Variants in TTC28 observed in about 807,000 individuals in gnomAD.
TTC28 encodes tetratricopeptide repeat domain 28.
Under a neutral mutation model 198.0 loss-of-function variants are expected in TTC28, and 61 were observed. The ratio of observed to expected loss-of-function variants is 0.31; its 90% CI spans 0.25 to 0.38. The LOEUF is 0.38. Among genes scored for constraint, TTC28 ranks in the 10% least tolerant of loss-of-function variants. The pLI is 1.00. For synonymous variants in TTC28, 1,171 were observed against 1,297.8 expected (o/e 0.90, Z 2.10); for missense variants, 2,678 against 3,164.0 (o/e 0.85, Z 3.69).
intron 2 of TTC28, among the ~76,000 whole-genome samples, chr22:28,422,638 G>T (rs1178023944): frequency 1.3e-5 from 2 of 151,572 alleles, no homozygotes; most frequent in Non-Finnish European, 2.9e-5. Flanking sequence ...GTAGAGATGG[G>T]GTTTCACCGT....
intron 2 of TTC28, among the ~76,000 whole-genome samples, chr22:28,394,972 A>C (rs1193267993): frequency 6.6e-6 from 1 of 152,134 alleles, no homozygotes; most frequent in Non-Finnish European, 1.5e-5. Context: ...AACCAGCTTA[A>C]ATGATCTGCT....
intron 5 of TTC28, among the ~76,000 whole-genome samples, chr22:28,207,667 G>T (rs1426741921): frequency 6.6e-6 from 1 of 152,104 alleles, no homozygotes; most frequent in Non-Finnish European, 1.5e-5. Context: ...ATCAAAGGAT[G>T]GGCTTTAGAG....
intron 14 of TTC28, among the ~76,000 whole-genome samples, chr22:28,003,726 A>G (rs1278641616): frequency 6.6e-6 from 1 of 152,236 alleles, no homozygotes; most frequent in African/African-American, 2.4e-5. Context: ...CTGGCAGCCC[A>G]TCTTCGTAGA....
rs1297578203 is a variant in TTC28, at chr22:27,990,013, G to A, written c.5578-6C>T. The A allele has an allele frequency of 1.3e-6, 2 of 1,549,876 alleles. No individual in the cohort carries two copies. The highest frequency in any genetic ancestry group is 2.4e-5 in the East Asian group (1 of 40,884). The stretch of plus-strand genomic sequence containing the variant: ...TGAACCAGCACCTGGTGGAGCTGAG[G>A]AAGGGGGGACAGCGTGAGCACCCTG... On this transcript the variant is annotated splice_region_variant and splice_polypyrimidine_tract_variant and intron_variant, in intron 20 of 22. Transcript: ENST00000397906.
chr22:28,626,280 C>A (rs2051075702), intron 2 of TTC28, among the ~76,000 whole-genome samples: 1 of 152,046 alleles, frequency 6.6e-6, no homozygotes, highest in Admixed American at 6.6e-5. Context: ...ACATCAAAAT[C>A]ATTTTCTCAT....
At chr22:28,009,677 G>A (rs1309479630) in intron 14 of TTC28, among the ~76,000 whole-genome samples, 1 of 152,242 alleles carries the variant, frequency 6.6e-6, no homozygotes, top group Non-Finnish European at 1.5e-5. Context: ...CCGGCCTCGG[G>A]TGCTGGCCTC....
At chr22:28,675,615 G>C (rs548346363) in intron 1 of TTC28, among the ~76,000 whole-genome samples, 1 of 151,776 alleles carries the variant, frequency 6.6e-6, no homozygotes, top group Non-Finnish European at 1.5e-5. Flanking sequence ...AACCGTGCCT[G>C]TAGTCCTACC....
chr22:28,308,888 A>T (rs2045198328), intron 2 of TTC28, among the ~76,000 whole-genome samples: 1 of 152,224 alleles, frequency 6.6e-6, no homozygotes, highest in Non-Finnish European at 1.5e-5. Context: ...TTAGGATTGT[A>T]TCCCTGTAAA....
At chr22:28,651,954 C>T (rs946667556) in intron 1 of TTC28, among the ~76,000 whole-genome samples, 3 of 152,190 alleles carry the variant, frequency 2.0e-5, no homozygotes, top group African/African-American at 7.2e-5. Context: ...ACTCTCCTGC[C>T]TCAGCCTCCC....
intron 12 of TTC28, among the ~76,000 whole-genome samples, chr22:28,036,290 T>C (rs1939341169): frequency 6.6e-6 from 1 of 152,160 alleles, no homozygotes; most frequent in Non-Finnish European, 1.5e-5. Flanking sequence ...TCAGCAAATG[T>C]AAAAGAACAG....
At chr22:28,539,937 C>CT (rs34198666) in intron 2 of TTC28, among the ~76,000 whole-genome samples, 6,335 of 84,638 alleles carry the variant, frequency 0.075, 493 homozygotes, top group Non-Finnish European at 0.093. Context: ...CCTCAGGAAG[C>CT]TTTTTTTTTT....
intron 5 of TTC28, among the ~76,000 whole-genome samples, chr22:28,171,546 T>G (rs997664195): frequency 1.3e-5 from 2 of 151,614 alleles, no homozygotes; most frequent in Non-Finnish European, 2.9e-5. Context: ...CTATTTTCTT[T>G]GCCTGTGAAA....
intron 5 of TTC28, among the ~76,000 whole-genome samples, chr22:28,204,807 C>A (rs557097704): frequency 7.9e-5 from 12 of 152,106 alleles, no homozygotes; most frequent in Non-Finnish European, 1.5e-4. Flanking sequence ...ATGTTAGACA[C>A]TACAGGGAAC....
Position 28,105,459 on chromosome 22 carries a change from G to A in TTC28, c.3127C>T (p.Leu1043=), listed in dbSNP as rs1426086190. The part of the protein sequence containing the change: ...PTCQGRAYGN[L]GLTYESLGTF... ...CCCAGGGATTCATAAGTCAGGCCCA[G>A]GTTCCCATAGGCTCGGCCCTGGCAC... The change falls in exon 8 of 23, where the codon CTG becomes TTG. Residue 1043 remains leucine, a synonymous_variant. Transcript: ENST00000397906. 1 of 1,551,560 alleles carries A rather than the reference G, an allele frequency of 6.4e-7. No individual in the cohort carries two copies. Among genetic ancestry groups the A allele is most frequent in the Non-Finnish European group, 8.7e-7 (1 of 1,146,986 alleles).
intron 2 of TTC28, among the ~76,000 whole-genome samples, chr22:28,423,174 G>A (rs182415211): frequency 1.3e-4 from 20 of 152,162 alleles, no homozygotes; most frequent in African/African-American, 2.2e-4. Flanking sequence ...GGCAGATCAC[G>A]AAGTCAGGAG....
chr22:28,224,670 G>A (rs1928150509), intron 5 of TTC28, among the ~76,000 whole-genome samples: 1 of 152,136 alleles, frequency 6.6e-6, no homozygotes, highest in Admixed American at 6.5e-5. Flanking sequence ...AAATGGGCTG[G>A]TGGAGGGGGT....
intron 2 of TTC28, among the ~76,000 whole-genome samples, chr22:28,545,485 A>G (rs965501934): frequency 6.6e-6 from 1 of 152,168 alleles, no homozygotes; most frequent in Non-Finnish European, 1.5e-5. Flanking sequence ...AGGCTGAGGC[A>G]GGAGGATCAC....
chr22:28,425,509 AAGACAGGG>A (rs1405003662), intron 2 of TTC28, among the ~76,000 whole-genome samples: 1 of 152,216 alleles, frequency 6.6e-6, no homozygotes, highest in African/African-American at 2.4e-5. Context: ...TCGCTCCTTG[AAGACAGGG>A]ATAGAGTCTT....
At chr22:28,316,045 T>A (rs1001080594) in intron 2 of TTC28, among the ~76,000 whole-genome samples, 30 of 152,206 alleles carry the variant, frequency 2.0e-4, no homozygotes, top group African/African-American at 7.2e-4. Context: ...TTCCATCCCA[T>A]TCTTTTAATG....
Sources: gnomAD v4.1 joint callset for allele counts (sites outside exome capture counted in the v4.1 genomes callset) on GRCh38, gnomAD v4.1.1 for gene constraint, MANE v1.5 for transcripts, NCBI Gene and HGNC (gene_info 2026-07-23, HGNC 2026-07-21) for gene names.